Variants in MYO1H observed in about 807,000 individuals in gnomAD.
The protein encoded by MYO1H is myosin IH.
In MYO1H, 118 loss-of-function variants were observed where a neutral mutation model predicts 149.3. The observed-to-expected ratio is 0.79, with a 90% CI of 0.68 to 0.92. MYO1H has a LOEUF of 0.92. Ranked by LOEUF, MYO1H falls within the 40% of genes least tolerant of loss-of-function variation. MYO1H has a pLI of 0.00. For synonymous variants in MYO1H, 447 were observed against 465.2 expected (o/e 0.96, Z 0.50); for missense variants, 1,212 against 1,280.7 (o/e 0.95, Z 0.82).
chr12:109,435,740 C>G (rs1871831684), intron 21 of MYO1H, among the ~76,000 whole-genome samples: 1 of 152,210 alleles, frequency 6.6e-6, no homozygotes. Flanking sequence ...TGCAGGGAAA[C>G]TGAGGCACGG....
chr12:109,441,618 C>T lies in MYO1H; in HGVS notation c.2542C>T (p.Gln848Ter), dbSNP rs1020296632. 47 of 1,606,810 alleles carry T rather than the reference C, an allele frequency of 2.9e-5. No individual in the cohort carries two copies. The highest frequency in any genetic ancestry group is 3.6e-5 in the Non-Finnish European group (42 of 1,175,490). ...ACTTTCAATTGTGTATTACCAGATG[C>T]AGCAAAAGGTAGTTACAAGTGAAAT... is the stretch of plus-strand genomic sequence containing the variant. The change falls in exon 26 of 32, where the codon CAG becomes TAG. Residue 848 changes from glutamine (Q) to a stop codon, truncating the protein, a stop_gained. Coordinates refer to ENST00000310903, the Ensembl canonical transcript of MYO1H. LOFTEE classifies it high-confidence loss of function.
chr12:109,393,531 CCATCCATT>C, intron 3 of MYO1H, 85 bp downstream of exon 3: 4 of 819,328 alleles, frequency 4.9e-6, no homozygotes, highest in Non-Finnish European at 8.0e-6. Context: ...ACGCATCTGT[CCATCCATT>C]CATCCATCCA....
chr12:109,313,518 A>G, the MYO1H span, among the ~76,000 whole-genome samples: 4 of 152,124 alleles, frequency 2.6e-5, no homozygotes, highest in African/African-American at 9.7e-5. Flanking sequence ...ATTCTTTGGG[A>G]GTGCGATTGC....
chr12:109,375,405 G>A (rs993992170), intron 1 of MYO1H, among the ~76,000 whole-genome samples: 1 of 151,898 alleles, frequency 6.6e-6, no homozygotes, highest in Non-Finnish European at 1.5e-5. Context: ...TGCCCACCTC[G>A]GCCTCCCAAA....
chr12:109,371,157 G>A lies in MYO1H; in HGVS notation c.13-17526G>A, dbSNP rs562397240. 6.0e-5 allele frequency among the ~76,000 whole-genome samples: 9 copies of A among 149,764 alleles called. No individual in the cohort carries two copies. The East Asian group carries it at 1.6e-3, about 26-fold the overall frequency. ...TTGGGCATGCTTTTAGGGAGATGTT[G>A]TGACTTTATAAGCATCTATGTGTAC... On this transcript the variant is annotated intron_variant, in intron 1 of 31. Transcript: ENST00000310903.
chr12:109,437,424 A>G (rs1187490150), intron 22 of MYO1H, among the ~76,000 whole-genome samples: 1 of 152,190 alleles, frequency 6.6e-6, no homozygotes, highest in African/African-American at 2.4e-5. Context: ...GGAGATGTGC[A>G]TAGATTTAGT....
chr12:109,401,779 C>T (rs1440516386), intron 6 of MYO1H, among the ~76,000 whole-genome samples: 2 of 151,826 alleles, frequency 1.3e-5, no homozygotes, highest in African/African-American at 4.8e-5. Flanking sequence ...TCACTCTGTC[C>T]TCCAGGCTGG....
intron 15 of MYO1H, among the ~76,000 whole-genome samples, chr12:109,418,017 C>T (rs959142280): frequency 1.3e-5 from 2 of 151,730 alleles, no homozygotes; most frequent in African/African-American, 2.4e-5. Context: ...GGGGTTTCAC[C>T]GTGTTAGCCA....
the MYO1H span, among the ~76,000 whole-genome samples, chr12:109,330,748 G>T: frequency 6.6e-6 from 1 of 152,078 alleles, no homozygotes; most frequent in African/African-American, 2.4e-5. Flanking sequence ...ATCATGCCTG[G>T]ATATTTGCTT....
chr12:109,411,331 G>A (rs1870658994), intron 13 of MYO1H, among the ~76,000 whole-genome samples: 1 of 152,052 alleles, frequency 6.6e-6, no homozygotes, highest in South Asian at 2.1e-4. Flanking sequence ...TTGAACTCCT[G>A]GGCTCAAGAC....
chr12:109,318,984 T>TTG, the MYO1H span, among the ~76,000 whole-genome samples: 2 of 145,314 alleles, frequency 1.4e-5, no homozygotes, highest in African/African-American at 5.1e-5. Flanking sequence ...TTTTTTTTTT[T>TTG]TTTTTTTTTT....
rs368408315 is a variant in MYO1H at position 109,437,897 on chromosome 12, G to A, written c.2210-639G>A. ...GAGGTCAGGAGTTCGAGATCAGCCT[G>A]CCCAACATGGCGAAACCCCGTCTCT... On this transcript the variant is annotated intron_variant, in intron 22 of 31. Transcript: ENST00000310903. Among the ~76,000 whole-genome samples, 4 of 152,026 alleles carry A rather than the reference G, an allele frequency of 2.6e-5. No homozygotes were observed. In the South Asian group the frequency reaches 6.2e-4, roughly 24 times the overall value.
intron 2 of MYO1H, among the ~76,000 whole-genome samples, chr12:109,392,843 C>T (rs1320417514): frequency 1.3e-5 from 2 of 151,826 alleles, no homozygotes; most frequent in Non-Finnish European, 2.9e-5. Context: ...CAGAGTCTCG[C>T]TCTGTCACCC....
chr12:109,313,881 GT>G, the MYO1H span, among the ~76,000 whole-genome samples: 4 of 152,012 alleles, frequency 2.6e-5, no homozygotes, highest in African/African-American at 9.7e-5. Context: ...TTTCTTTGGA[GT>G]TTTTTGTTTC....
At chr12:109,439,874 C>T in intron 24 of MYO1H, 84 bp downstream of exon 24, 1 of 1,303,414 alleles carries the variant, frequency 7.7e-7, no homozygotes. Context: ...TGTGCTGCCT[C>T]CCTTTGGCTT....
chr12:109,355,871 C>G (rs1213875697), intron 1 of MYO1H, among the ~76,000 whole-genome samples: 2 of 112,678 alleles, frequency 1.8e-5, no homozygotes, highest in Non-Finnish European at 3.6e-5. Flanking sequence ...CCACGCCCAG[C>G]AAATTTTTTT....
chr12:109,349,680 G>T (rs552378378), intron 1 of MYO1H, among the ~76,000 whole-genome samples: 6 of 148,780 alleles, frequency 4.0e-5, no homozygotes, highest in Non-Finnish European at 8.9e-5. Context: ...AAAAAAAGAG[G>T]CCGGGTGCGG....
intron 27 of MYO1H, among the ~76,000 whole-genome samples, chr12:109,443,009 AATATAT>A (rs1335069078): frequency 3.4e-5 from 2 of 58,490 alleles, no homozygotes; most frequent in African/African-American, 2.1e-4. Flanking sequence ...AAAAAAAAAA[AATATAT>A]ATATATATAT....
At chr12:109,396,677 C>T in intron 4 of MYO1H, 95 bp downstream of exon 4, 1 of 1,078,118 alleles carries the variant, frequency 9.3e-7, no homozygotes, top group Non-Finnish European at 1.3e-6. Context: ...ATGGGCAGGT[C>T]ACTGTTAAGA....
Sources: gnomAD v4.1 joint callset for allele counts (sites outside exome capture counted in the v4.1 genomes callset) on GRCh38, gnomAD v4.1.1 for gene constraint, MANE v1.5 for transcripts, NCBI Gene and HGNC (gene_info 2026-07-23, HGNC 2026-07-21) for gene names.